The following ALDH2 variants were observed in gnomAD, a reference collection of about 807,000 sequenced individuals.
ALDH2 encodes the protein aldehyde dehydrogenase, mitochondrial.
A neutral mutation model predicts 59.6 loss-of-function variants in ALDH2; 44 were observed. That is an observed-to-expected ratio of 0.74 (90% CI 0.58 to 0.95). The LOEUF (loss-of-function observed/expected upper bound fraction) is 0.95, where lower values mean the gene tolerates loss of function less well. Among genes scored for constraint, ALDH2 ranks in the 40% least tolerant of loss-of-function variants. The pLI, the probability that ALDH2 is intolerant of heterozygous loss-of-function variation, is 0.00. For synonymous variants in ALDH2, 291 were observed against 284.0 expected (o/e 1.02, Z -0.25); for missense variants, 570 against 696.3 (o/e 0.82, Z 2.04).
intron 12 of ALDH2, among the ~76,000 whole-genome samples, chr12:111,805,365 AC>A (rs914968469): frequency 6.6e-5 from 10 of 152,040 alleles, no homozygotes; most frequent in Admixed American, 2.6e-4. Context: ...GATTGGAATC[AC>A]CAGGCTGGAG....
intron 3 of ALDH2, 95 bp downstream of exon 3, chr12:111,783,393 C>A: frequency 1.4e-6 from 2 of 1,441,596 alleles, no homozygotes; most frequent in Non-Finnish European, 9.3e-7. Flanking sequence ...CTGTGAACAG[C>A]CAGGGAACAC....
intron 1 of ALDH2, chr12:111,775,664 G>T (rs1382111872): frequency 2.2e-6 from 1 of 455,932 alleles, no homozygotes; most frequent in East Asian, 6.9e-5. Flanking sequence ...TAAAGAGGAA[G>T]TGGGAGCTAG....
In ALDH2 at chr12:111,812,624, C is replaced by G. The variant is rs1353655237; in HGVS notation, c.*3049C>G. The G allele has an allele frequency of 1.3e-5, 2 of 152,168 alleles. No homozygotes were observed. The highest frequency in any genetic ancestry group is 2.9e-5 in the Non-Finnish European group (2 of 68,060). The allele number at this position is 152,168 out of a possible 1,614,324, so 9.4% of individuals were successfully genotyped here. ...AGGCACTGTGGCTCATGCCTGTAAT[C>G]CCAGCATTTTGGGAAGCTGAGGTGG... On this transcript the variant is annotated 3_prime_UTR_variant, in exon 13 of 13. Coordinates refer to ENST00000261733, the MANE Select transcript of ALDH2 (RefSeq NM_000690.4).
intron 12 of ALDH2, among the ~76,000 whole-genome samples, chr12:111,805,223 AAAAG>A (rs1438559352): frequency 5.3e-5 from 8 of 152,274 alleles, no homozygotes; most frequent in Admixed American, 2.0e-4. Flanking sequence ...TAAATATAAA[AAAAG>A]AAAGGAAAAA....
chr12:111,803,051 C>T (rs575224313), intron 11 of ALDH2, among the ~76,000 whole-genome samples: 1 of 148,092 alleles, frequency 6.8e-6, no homozygotes, highest in Non-Finnish European at 1.5e-5. Context: ...ATTAGCTGGG[C>T]ATGGTAGCAT....
At position 111,815,523 on chromosome 12, in the gene ALDH2, T is replaced by C. The variant is rs1362582341; in HGVS notation, c.*5948T>C. 2 of 152,176 alleles carry C rather than the reference T, an allele frequency of 1.3e-5. No homozygotes were observed. Among genetic ancestry groups the C allele is most frequent in the African/African-American group, 4.8e-5 (2 of 41,430 alleles). 9.4% of individuals were successfully genotyped at this position (152,176 alleles called of 1,614,324 possible). A position where few individuals can be genotyped will look rare whatever the true frequency, so the allele number is the denominator to read the frequency against. On this transcript the variant is annotated 3_prime_UTR_variant, in exon 13 of 13. Coordinates refer to ENST00000261733, the MANE Select transcript of ALDH2 (RefSeq NM_000690.4). The stretch of plus-strand genomic sequence containing the variant: ...AGCATAGATGTGATGCCTGGCGATA[T>C]GGCTTACTTATGAGACAGCACCTGA...
chr12:111,784,278 C>T (rs577047371), intron 3 of ALDH2, among the ~76,000 whole-genome samples: 38 of 152,220 alleles, frequency 2.5e-4, no homozygotes, highest in Admixed American at 1.6e-3. Flanking sequence ...GGTGCCACTG[C>T]GCTCCAGCCT....
intron 1 of ALDH2, among the ~76,000 whole-genome samples, chr12:111,774,063 C>A (rs1215335500): frequency 6.6e-6 from 1 of 152,152 alleles, no homozygotes; most frequent in Non-Finnish European, 1.5e-5. Flanking sequence ...ATAGAGGTTG[C>A]CAAACCGTAA....
intron 2 of ALDH2, among the ~76,000 whole-genome samples, 181 bp from the exon 3 acceptor site, chr12:111,782,977 A>G (rs1035334056): frequency 6.6e-6 from 1 of 152,126 alleles, no homozygotes; most frequent in Non-Finnish European, 1.5e-5. Flanking sequence ...ATGTTATTCA[A>G]CCCCATTGCT....
At chr12:111,786,795 C>G (rs571161985) in intron 4 of ALDH2, among the ~76,000 whole-genome samples, 4 of 152,090 alleles carry the variant, frequency 2.6e-5, no homozygotes, top group South Asian at 2.1e-4. Context: ...GATCCTCCCA[C>G]CTCGGCCTCC....
intron 9 of ALDH2, among the ~76,000 whole-genome samples, chr12:111,794,635 T>A (rs763931896): frequency 2.6e-5 from 4 of 152,094 alleles, no homozygotes; most frequent in Non-Finnish European, 5.9e-5. Flanking sequence ...GCCTCCCAAG[T>A]AGGTGGGACT....
At chr12:111,778,882 A>G (rs2068252274) in intron 1 of ALDH2, among the ~76,000 whole-genome samples, 1 of 149,574 alleles carries the variant, frequency 6.7e-6, no homozygotes, top group Non-Finnish European at 1.5e-5. Context: ...TTTTTTTTTA[A>G]GAGTCTTTTT....
chr12:111,787,975 C>G lies in ALDH2; in HGVS notation c.441-1848C>G, dbSNP rs548639255. Among the ~76,000 whole-genome samples, 16 of 151,530 alleles carry G rather than the reference C, an allele frequency of 1.1e-4. No homozygotes were observed. The South Asian group carries it at 3.4e-3, about 32-fold the overall frequency. On this transcript the variant is annotated intron_variant, in intron 4 of 12. Coordinates refer to ENST00000261733, the MANE Select transcript of ALDH2 (RefSeq NM_000690.4). ...AATGGTGTGAACCTGGGAGGTGGAGCTTGCAGTGAGCTGAGATCGCGCCAC... is the reference window on the plus strand; with the variant it reads ...AATGGTGTGAACCTGGGAGGTGGAGGTTGCAGTGAGCTGAGATCGCGCCAC...
chr12:111,778,361 A>G (rs1162951007), intron 1 of ALDH2, among the ~76,000 whole-genome samples: 1 of 151,956 alleles, frequency 6.6e-6, no homozygotes, highest in African/African-American at 2.4e-5. Context: ...CCTGGCCAAC[A>G]TGGTGAAACC....
chr12:111,797,499 G>T (rs2068414125), intron 9 of ALDH2, among the ~76,000 whole-genome samples: 1 of 152,110 alleles, frequency 6.6e-6, no homozygotes, highest in Non-Finnish European at 1.5e-5. Flanking sequence ...TACTCGGGAG[G>T]CTGAGGTGGG....
chr12:111,776,360 A>G (rs1173963176), intron 1 of ALDH2, among the ~76,000 whole-genome samples: 6 of 152,020 alleles, frequency 3.9e-5, no homozygotes, highest in African/African-American at 1.4e-4. Flanking sequence ...GGAACTGTAC[A>G]CTCGTTCTTG....
chr12:111,777,250 C>T (rs1308815746), intron 1 of ALDH2, among the ~76,000 whole-genome samples: 1 of 152,128 alleles, frequency 6.6e-6, no homozygotes, highest in Non-Finnish European at 1.5e-5. Context: ...TGAAGTTCAC[C>T]TCCTAGGTTT....
Position 111,811,690 on chromosome 12 carries a change from T to C in ALDH2, c.*2115T>C, listed in dbSNP as rs1449620268. On this transcript the variant is annotated 3_prime_UTR_variant, in exon 13 of 13. Transcript: ENST00000261733. ...GGTTTTGCCATGTTGGCCAGGCTGG[T>C]GTTGAAGGCCTGACCTCAGGTAATC... 6.6e-6 allele frequency: 1 copy of C among 152,284 alleles called. No homozygotes were observed. Among genetic ancestry groups the C allele is most frequent in the African/African-American group, 2.4e-5 (1 of 41,382 alleles). The allele number at this position is 152,284 out of a possible 1,614,324, so 9.4% of individuals were successfully genotyped here. A position where few individuals can be genotyped will look rare whatever the true frequency, so the allele number is the denominator to read the frequency against.
chr12:111,809,606 G>T lies in ALDH2; in HGVS notation c.*31G>T. The stretch of plus-strand genomic sequence containing the variant: ...ATGCAAGCTTCCTCCCTCAGCCATT[G>T]ATGGAAAGTTCAGCAAGATCAGCAA... On this transcript the variant is annotated 3_prime_UTR_variant, in exon 13 of 13. Transcript: ENST00000261733. 1 of 1,613,508 alleles carries T rather than the reference G, an allele frequency of 6.2e-7. No individual in the cohort carries two copies. Among genetic ancestry groups the T allele is most frequent in the Non-Finnish European group, 8.5e-7 (1 of 1,179,604 alleles).
Sources: gnomAD v4.1 joint callset for allele counts (sites outside exome capture counted in the v4.1 genomes callset) on GRCh38, gnomAD v4.1.1 for gene constraint, MANE v1.5 for transcripts, NCBI Gene and HGNC (gene_info 2026-07-23, HGNC 2026-07-21) for gene names.